Variants in ADRA1B observed in about 807,000 individuals in gnomAD.
ADRA1B encodes alpha-1B adrenergic receptor.
A neutral mutation model predicts 17.9 loss-of-function variants in ADRA1B; 17 were observed. The observed-to-expected ratio is 0.95, with a 90% CI of 0.65 to 1.42. The LOEUF is 1.42. ADRA1B is among the 40% of genes most tolerant of loss of function. The pLI is 0.00. For missense variants in ADRA1B, 681 were observed against 722.1 expected, an observed-to-expected ratio of 0.94 and a Z score of 0.65; for synonymous variants, 366 against 327.6, an observed-to-expected ratio of 1.12 and a Z score of -1.27.
intron 1 of ADRA1B, among the ~76,000 whole-genome samples, chr5:159,944,993 G>A (rs909251167): frequency 6.6e-6 from 1 of 152,216 alleles, no homozygotes; most frequent in Non-Finnish European, 1.5e-5. Context: ...GAAATATGGA[G>A]TGGTGTGCTA....
chr5:159,921,636 T>C (rs1191620820), intron 1 of ADRA1B, among the ~76,000 whole-genome samples: 1 of 152,210 alleles, frequency 6.6e-6, no homozygotes, highest in Non-Finnish European at 1.5e-5. Context: ...ATCTTTCTTC[T>C]GTCTTTTAAA....
chr5:159,977,190 A>G (rs1581077319), downstream of ADRA1B, among the ~76,000 whole-genome samples: 2 of 152,204 alleles, frequency 1.3e-5, no homozygotes, highest in East Asian at 3.8e-4. Flanking sequence ...TAAATCTCCC[A>G]AAGGACACAT....
At chr5:159,902,364 C>T (rs1754111220) in intron 1 of ADRA1B, among the ~76,000 whole-genome samples, 1 of 152,122 alleles carries the variant, frequency 6.6e-6, no homozygotes, top group Admixed American at 6.5e-5. Flanking sequence ...TCTGCAGTTT[C>T]ATTCATGTAA....
At chr5:159,926,066 G>A (rs535629605) in intron 1 of ADRA1B, among the ~76,000 whole-genome samples, 1 of 152,268 alleles carries the variant, frequency 6.6e-6, no homozygotes, top group South Asian at 2.1e-4. Flanking sequence ...CACACAAGCT[G>A]AATGAATGAA....
chr5:159,875,693 T>C (rs1379714912), intron 1 of ADRA1B, among the ~76,000 whole-genome samples: 1 of 152,126 alleles, frequency 6.6e-6, no homozygotes, highest in East Asian at 1.9e-4. Flanking sequence ...GCACACCCTC[T>C]CTAATTCGCC....
chr5:159,951,097 C>A, intron 1 of ADRA1B: 1 of 738,196 alleles, frequency 1.4e-6, no homozygotes, highest in Non-Finnish European at 2.5e-6. Flanking sequence ...TCTTGTGGTT[C>A]ATGCCCATCA....
intron 1 of ADRA1B, among the ~76,000 whole-genome samples, chr5:159,918,698 A>G (rs1754396315): frequency 6.6e-6 from 1 of 152,166 alleles, no homozygotes; most frequent in Non-Finnish European, 1.5e-5. Context: ...TGGTGGTCCT[A>G]CTAACTGAAT....
intron 1 of ADRA1B, chr5:159,948,624 T>C (rs1165727749): frequency 1.2e-5 from 3 of 247,534 alleles, no homozygotes; most frequent in Non-Finnish European, 1.9e-5. Flanking sequence ...TCAGCCATTT[T>C]TCTATGGCAT....
intron 1 of ADRA1B, among the ~76,000 whole-genome samples, chr5:159,971,183 A>G (rs1436824066): frequency 1.3e-5 from 2 of 151,978 alleles, no homozygotes; most frequent in African/African-American, 4.8e-5. Context: ...CTATTTTGTA[A>G]ATTTCCTGCT....
chr5:159,977,214 T>C (rs908285237), downstream of ADRA1B, among the ~76,000 whole-genome samples: 1 of 152,198 alleles, frequency 6.6e-6, no homozygotes, highest in Non-Finnish European at 1.5e-5. Flanking sequence ...ACCCAGGTTA[T>C]AAACTTTTCA....
At chr5:159,899,761 G>T (rs1754081991) in intron 1 of ADRA1B, among the ~76,000 whole-genome samples, 1 of 152,236 alleles carries the variant, frequency 6.6e-6, no homozygotes, top group Non-Finnish European at 1.5e-5. Context: ...TTAAAGGGTA[G>T]ACAGCTCCAA....
chr5:159,878,082 C>A (rs917470771), intron 1 of ADRA1B, among the ~76,000 whole-genome samples: 1 of 152,186 alleles, frequency 6.6e-6, no homozygotes, highest in Non-Finnish European at 1.5e-5. Flanking sequence ...CAGGGCTGAA[C>A]GAGGCCCAAG....
the ADRA1B span, among the ~76,000 whole-genome samples, chr5:159,984,324 C>A: frequency 1.3e-5 from 2 of 152,190 alleles, no homozygotes. Context: ...TTCTTTCCCA[C>A]AATGGCTGCT....
At chr5:159,893,698 G>T (rs13359021) in intron 1 of ADRA1B, among the ~76,000 whole-genome samples, 13,309 of 152,222 alleles carry the variant, frequency 0.087, 674 homozygotes, top group African/African-American at 0.13. Context: ...GCCAAAAGGA[G>T]CAGAGAACTG....
intron 1 of ADRA1B, among the ~76,000 whole-genome samples, chr5:159,942,283 T>G (rs1755157205): frequency 1.3e-5 from 2 of 152,164 alleles, no homozygotes; most frequent in South Asian, 4.1e-4. Flanking sequence ...GGGGTTGGTG[T>G]ACAACTTTGT....
At chr5:159,968,298 G>T (rs578083619) in intron 1 of ADRA1B, among the ~76,000 whole-genome samples, 1 of 152,240 alleles carries the variant, frequency 6.6e-6, no homozygotes, top group East Asian at 1.9e-4. Flanking sequence ...CACAGGACCT[G>T]CAGAGCACAC....
At chr5:159,974,801 T>C (rs548744234), downstream of ADRA1B, among the ~76,000 whole-genome samples, 102 of 152,250 alleles carry the variant, frequency 6.7e-4, no homozygotes, top group African/African-American at 2.3e-3. Flanking sequence ...TCACTATCCA[T>C]GGTTTATATG....
chr5:159,897,909 C>T (rs1010089098), intron 1 of ADRA1B, among the ~76,000 whole-genome samples: 4 of 152,192 alleles, frequency 2.6e-5, no homozygotes, highest in Admixed American at 6.5e-5. Flanking sequence ...AGGGCACTGG[C>T]GCCTGAACAG....
At chr5:159,869,068 A>C (rs1753702023) in intron 1 of ADRA1B, 1 of 152,202 alleles carries the variant, frequency 6.6e-6, no homozygotes, top group Non-Finnish European at 1.5e-5. Context: ...TGTAGAGAAA[A>C]ACCAACTGAA....
Sources: allele counts gnomAD v4.1 joint callset (sites outside exome capture counted in the v4.1 genomes callset), GRCh38; gene constraint gnomAD v4.1.1; transcripts MANE v1.5; gene names NCBI Gene and HGNC (gene_info 2026-07-23, HGNC 2026-07-21).